Variants in FNDC3B observed in about 807,000 individuals in gnomAD.
FNDC3B encodes fibronectin type III domain containing 3B, also known as fibronectin type III domain-containing protein 3B.
In FNDC3B, 12 loss-of-function variants were observed where a neutral mutation model predicts 151.5. That is an observed-to-expected ratio of 0.08 (90% CI 0.05 to 0.13). FNDC3B has a LOEUF of 0.13. FNDC3B is among the 10% of genes least tolerant of loss of function. FNDC3B has a pLI of 1.00. For synonymous variants in FNDC3B, 528 were observed against 549.0 expected (o/e 0.96, Z 0.54); for missense variants, 1,214 against 1,505.3 (o/e 0.81, Z 3.20).
intron 3 of FNDC3B, among the ~76,000 whole-genome samples, chr3:172,195,420 G>A (rs1724771647): frequency 6.6e-6 from 1 of 152,224 alleles, no homozygotes; most frequent in Non-Finnish European, 1.5e-5. Flanking sequence ...CACCACACTT[G>A]ATACTGGGTC....
chr3:172,273,138 T>G (rs1729280163), intron 6 of FNDC3B, among the ~76,000 whole-genome samples: 1 of 152,208 alleles, frequency 6.6e-6, no homozygotes, highest in Non-Finnish European at 1.5e-5. Context: ...GAATTTCATT[T>G]CAGAAACCAA....
chr3:172,124,218 G>C lies in FNDC3B; in HGVS notation c.112-9253G>C, dbSNP rs377159381. 7.8e-4 allele frequency among the ~76,000 whole-genome samples: 118 copies of C among 152,254 alleles called. 1 individual carries two copies. The South Asian group carries it at 0.023, about 30-fold the overall frequency. ...CAATTCTCCTGCCTGAGCCTCCCAA[G>C]TAGCTGGGATTACAGGCACCCACTA... is the stretch of plus-strand genomic sequence containing the variant. On this transcript the variant is annotated intron_variant, in intron 2 of 25. Coordinates refer to ENST00000415807, the MANE Select transcript of FNDC3B (RefSeq NM_022763.4).
chr3:172,127,167 T>C (rs1284280694), intron 2 of FNDC3B: 3 of 438,712 alleles, frequency 6.8e-6, no homozygotes, highest in African/African-American at 6.1e-5. Context: ...TTGTTACTGG[T>C]AGGAATTTGA....
At chr3:172,393,118 A>G (rs796078475) in intron 25 of FNDC3B, among the ~76,000 whole-genome samples, 6 of 152,060 alleles carry the variant, frequency 3.9e-5, no homozygotes, top group African/African-American at 9.6e-5. Context: ...TTTTTTTTTA[A>G]GACCCAACAG....
chr3:172,328,861 C>A, intron 11 of FNDC3B, 91 bp from the exon 12 acceptor site: 3 of 975,286 alleles, frequency 3.1e-6, no homozygotes, highest in Non-Finnish European at 4.3e-6. Context: ...AGCAGTTATT[C>A]AAGATGTTCA....
At chr3:172,044,060 C>G (rs772866601) in intron 1 of FNDC3B, among the ~76,000 whole-genome samples, 1 of 152,188 alleles carries the variant, frequency 6.6e-6, no homozygotes, top group Non-Finnish European at 1.5e-5. Context: ...TTCTTTTACT[C>G]TCAGTGTATA....
intron 14 of FNDC3B, among the ~76,000 whole-genome samples, chr3:172,333,384 C>T (rs1459259724): frequency 1.3e-5 from 2 of 151,926 alleles, no homozygotes; most frequent in African/African-American, 4.8e-5. Flanking sequence ...TGCAGTGGCA[C>T]GATCTCGGCT....
intron 9 of FNDC3B, among the ~76,000 whole-genome samples, chr3:172,306,516 G>A (rs1731208589): frequency 1.3e-5 from 2 of 152,102 alleles, no homozygotes; most frequent in African/African-American, 2.4e-5. Flanking sequence ...AGTGTTCTTT[G>A]TTGTTGTTGT....
At chr3:172,316,360 A>C (rs1576904107) in intron 11 of FNDC3B, 2 of 443,944 alleles carry the variant, frequency 4.5e-6, no homozygotes, top group South Asian at 3.2e-5. Flanking sequence ...TCTCTAGAAG[A>C]AGCTATGGGA....
chr3:172,092,312 C>T (rs553977294), intron 1 of FNDC3B, among the ~76,000 whole-genome samples: 5 of 152,242 alleles, frequency 3.3e-5, no homozygotes, highest in African/African-American at 1.2e-4. Context: ...ATGCCTGAGC[C>T]CCTGTCATAT....
chr3:172,272,777 G>C (rs1729261475), intron 6 of FNDC3B, among the ~76,000 whole-genome samples: 1 of 152,024 alleles, frequency 6.6e-6, no homozygotes, highest in Admixed American at 6.5e-5. Flanking sequence ...TCAACTTTAG[G>C]CTGCTTTCAT....
intron 3 of FNDC3B, chr3:172,186,742 G>A (rs778439245): frequency 1.4e-6 from 1 of 702,392 alleles, no homozygotes; most frequent in South Asian, 1.5e-5. Context: ...TGCGATTGAA[G>A]ATTTTTTCAT....
intron 3 of FNDC3B, among the ~76,000 whole-genome samples, chr3:172,139,790 C>G (rs1721530027): frequency 6.7e-6 from 1 of 150,254 alleles, no homozygotes; most frequent in South Asian, 2.1e-4. Context: ...TATCCTGTCT[C>G]AAAAACAAAG....
intron 1 of FNDC3B, among the ~76,000 whole-genome samples, chr3:172,090,227 C>T (rs1052731460): frequency 2.6e-5 from 4 of 152,030 alleles, no homozygotes; most frequent in African/African-American, 4.8e-5. Flanking sequence ...GCAGGCAGGT[C>T]CTTGGTGCTT....
intron 11 of FNDC3B, among the ~76,000 whole-genome samples, chr3:172,313,454 C>T (rs762431032): frequency 3.9e-5 from 6 of 152,196 alleles, no homozygotes; most frequent in Non-Finnish European, 2.9e-5. Context: ...TCTCACAAAA[C>T]AGATTATTTA....
chr3:172,163,655 C>A (rs935005466), intron 3 of FNDC3B, among the ~76,000 whole-genome samples: 1 of 152,066 alleles, frequency 6.6e-6, no homozygotes, highest in African/African-American at 2.4e-5. Flanking sequence ...GGTAGCTGTT[C>A]GTTCATTTTT....
Position 172,352,746 on chromosome 3 carries a change from G to A in FNDC3B, c.2515-57G>A, listed in dbSNP as rs1300927411. The stretch of plus-strand genomic sequence containing the variant: ...TTATTTAATGGCAGCTAACTCAGAG[G>A]CATCAAAATGTGCTAATGGTGTAAT... On this transcript the variant is annotated intron_variant, in intron 21 of 25. Transcript: ENST00000415807. This position sits in a 1 kb window ranked among gnomAD's most constrained non-coding sequence, Gnocchi z 4.2. The A allele has an allele frequency of 4.6e-6, 7 of 1,532,332 alleles. No homozygotes were observed. The highest frequency in any genetic ancestry group is 1.4e-5 in the African/African-American group (1 of 72,874). The allele number at this position is 1,532,332 out of a possible 1,614,324, so 94.9% of individuals were successfully genotyped here.
In FNDC3B at chr3:172,398,633, C is replaced by T. The variant is rs1736406953; in HGVS notation, c.*1158C>T. On this transcript the variant is annotated 3_prime_UTR_variant, in exon 26 of 26. Transcript: ENST00000415807. ...AGAGGGAATGGTGTTTGATGGTAAA[C>T]ACAGGGTGTTTGGGGATCAAGGAGC... 1.3e-5 allele frequency: 2 copies of T among 152,168 alleles called. No homozygotes were observed. Among genetic ancestry groups the T allele is most frequent in the South Asian group, 2.1e-4 (1 of 4,826 alleles). The allele number at this position is 152,168 out of a possible 1,614,324, so 9.4% of individuals were successfully genotyped here. A position where few individuals can be genotyped will look rare whatever the true frequency, so the allele number is the denominator to read the frequency against.
chr3:172,075,768 A>C (rs1044401772), intron 1 of FNDC3B, among the ~76,000 whole-genome samples: 10 of 132,558 alleles, frequency 7.5e-5, no homozygotes, highest in East Asian at 4.4e-4. Flanking sequence ...CACACACACA[A>C]ACATTTATAT....
Sources: gnomAD v4.1 joint callset for allele counts (sites outside exome capture counted in the v4.1 genomes callset) on GRCh38, gnomAD v4.1.1 for gene constraint, Gnocchi (gnomAD v3.1) non-coding constraint, MANE v1.5 for transcripts, NCBI Gene and HGNC (gene_info 2026-07-23, HGNC 2026-07-21) for gene names.